Variants in HS6ST3 observed in about 807,000 individuals in gnomAD.
The protein encoded by HS6ST3 is heparan sulfate 6-O-sulfotransferase 3.
HS6ST3 carries 12 observed loss-of-function variants against 36.7 expected under a neutral mutation model. The ratio of observed to expected loss-of-function variants is 0.33; its 90% CI spans 0.21 to 0.53. The LOEUF is 0.53. HS6ST3 is among the 20% of genes least tolerant of loss of function. HS6ST3 has a pLI of 0.95. For synonymous variants in HS6ST3, 240 were observed against 257.5 expected (o/e 0.93, Z 0.65); for missense variants, 584 against 640.9 (o/e 0.91, Z 0.96).
chr13:96,297,518 G>A (rs1261276380), intron 1 of HS6ST3, among the ~76,000 whole-genome samples: 1 of 152,130 alleles, frequency 6.6e-6, no homozygotes, highest in African/African-American at 2.4e-5. Flanking sequence ...TCCAGGAACA[G>A]CAGGGTTCCT....
intron 1 of HS6ST3, among the ~76,000 whole-genome samples, chr13:96,607,363 C>G (rs1312421633): frequency 6.6e-6 from 1 of 152,162 alleles, no homozygotes; most frequent in Non-Finnish European, 1.5e-5. Flanking sequence ...ATACAGCCTT[C>G]TAATGTCTAG....
chr13:96,450,948 T>G (rs1159720429), intron 1 of HS6ST3, among the ~76,000 whole-genome samples: 1 of 152,142 alleles, frequency 6.6e-6, no homozygotes, highest in Non-Finnish European at 1.5e-5. Context: ...TGTGAAGGCC[T>G]CAGTTGGAAT....
intron 1 of HS6ST3, among the ~76,000 whole-genome samples, chr13:96,462,661 G>A (rs770854956): frequency 1.3e-5 from 2 of 152,262 alleles, no homozygotes; most frequent in East Asian, 1.9e-4. Context: ...GGAGGAAGAA[G>A]CAAAACTGTC....
In HS6ST3 at chr13:96,584,834, C is replaced by T. The variant is rs554210788; in HGVS notation, c.708-247656C>T. On this transcript the variant is annotated intron_variant, in intron 1 of 1. Coordinates refer to ENST00000376705, the MANE Select transcript of HS6ST3 (RefSeq NM_153456.4). ...TCCCATACAACAAAGAATTTTTCTG[C>T]CCCAATTAGAACATTGTCCCTGAGA... Among the ~76,000 whole-genome samples, 5 of 152,254 alleles carry T rather than the reference C, an allele frequency of 3.3e-5. No homozygotes were observed. The South Asian group carries it at 1.0e-3, about 32-fold the overall frequency.
At chr13:96,201,972 G>A (rs933054408) in intron 1 of HS6ST3, among the ~76,000 whole-genome samples, 4 of 152,104 alleles carry the variant, frequency 2.6e-5, no homozygotes, top group East Asian at 1.9e-4. Context: ...TTTGCATATC[G>A]TGAAATAAAA....
intron 1 of HS6ST3, among the ~76,000 whole-genome samples, chr13:96,627,578 T>C (rs1463582625): frequency 6.6e-6 from 1 of 152,044 alleles, no homozygotes; most frequent in Non-Finnish European, 1.5e-5. Flanking sequence ...TTCTCTGAAG[T>C]GGTTTGTGTA....
chr13:96,144,672 G>T (rs1370244101), intron 1 of HS6ST3, among the ~76,000 whole-genome samples: 2 of 150,952 alleles, frequency 1.3e-5, no homozygotes, highest in East Asian at 3.9e-4. Flanking sequence ...TTAAGTTTTA[G>T]GGTACATGTG....
chr13:96,784,476 A>G (rs1877595450), intron 1 of HS6ST3, among the ~76,000 whole-genome samples: 2 of 152,222 alleles, frequency 1.3e-5, no homozygotes, highest in Admixed American at 6.5e-5. Context: ...GTTGTGGGAC[A>G]ATTTTAGAAT....
intron 1 of HS6ST3, among the ~76,000 whole-genome samples, chr13:96,386,271 A>G (rs2055367443): frequency 6.6e-6 from 1 of 152,170 alleles, no homozygotes; most frequent in Admixed American, 6.5e-5. Flanking sequence ...ATTGTATTTT[A>G]AACAAAGCAG....
At chr13:96,439,308 T>C (rs1449970359) in intron 1 of HS6ST3, among the ~76,000 whole-genome samples, 1 of 152,220 alleles carries the variant, frequency 6.6e-6, no homozygotes, top group East Asian at 1.9e-4. Flanking sequence ...TGTGTATTTC[T>C]AAAAGTATAA....
intron 1 of HS6ST3, among the ~76,000 whole-genome samples, chr13:96,116,098 T>C (rs1330489862): frequency 6.6e-6 from 1 of 152,166 alleles, no homozygotes; most frequent in Non-Finnish European, 1.5e-5. Flanking sequence ...CAGCAGCATC[T>C]CTGGAAAACA....
At chr13:96,476,108 T>A (rs143756384) in intron 1 of HS6ST3, among the ~76,000 whole-genome samples, 2 of 152,162 alleles carry the variant, frequency 1.3e-5, no homozygotes. Context: ...AAGGGATGAA[T>A]GGTACATTCT....
chr13:96,707,835 C>A (rs759916403), intron 1 of HS6ST3, among the ~76,000 whole-genome samples: 1 of 152,170 alleles, frequency 6.6e-6, no homozygotes, highest in Non-Finnish European at 1.5e-5. Context: ...CCATAGAGAG[C>A]CAGGCTTAGC....
At chr13:96,507,699 G>A (rs895098687) in intron 1 of HS6ST3, among the ~76,000 whole-genome samples, 9 of 151,784 alleles carry the variant, frequency 5.9e-5, no homozygotes, top group African/African-American at 9.7e-5. Flanking sequence ...AAAAGGCTAC[G>A]CGCATCTTAA....
chr13:96,628,648 C>T (rs185180338), intron 1 of HS6ST3, among the ~76,000 whole-genome samples: 2 of 152,060 alleles, frequency 1.3e-5, no homozygotes, highest in Admixed American at 1.3e-4. Context: ...GCATATAATT[C>T]AAAGCCACAT....
intron 1 of HS6ST3, among the ~76,000 whole-genome samples, chr13:96,664,522 C>G (rs1341792602): frequency 6.6e-6 from 1 of 152,104 alleles, no homozygotes; most frequent in African/African-American, 2.4e-5. Flanking sequence ...TTCCTGGGAG[C>G]CCTGTGTCTC....
At chr13:96,571,342 CA>C (rs1345890095) in intron 1 of HS6ST3, among the ~76,000 whole-genome samples, 4 of 152,154 alleles carry the variant, frequency 2.6e-5, no homozygotes, top group Non-Finnish European at 5.9e-5. Flanking sequence ...CAAAAGGCTA[CA>C]TTTCACTGCT....
chr13:96,349,732 A>C (rs2055172977), intron 1 of HS6ST3, among the ~76,000 whole-genome samples: 1 of 152,238 alleles, frequency 6.6e-6, no homozygotes, highest in African/African-American at 2.4e-5. Flanking sequence ...GAATTAAAAG[A>C]GGAAGAGAAA....
chr13:96,196,204 C>G (rs2054311872), intron 1 of HS6ST3, among the ~76,000 whole-genome samples: 1 of 152,004 alleles, frequency 6.6e-6, no homozygotes, highest in African/African-American at 2.4e-5. Context: ...CGCTGGTAGC[C>G]CGTAGGATTC....
Sources: allele counts gnomAD v4.1 joint callset (sites outside exome capture counted in the v4.1 genomes callset), GRCh38; gene constraint gnomAD v4.1.1; transcripts MANE v1.5; gene names NCBI Gene and HGNC (gene_info 2026-07-23, HGNC 2026-07-21).